NCAM2: variants seen among roughly 807,000 people sequenced by gnomAD.
NCAM2 encodes neural cell adhesion molecule 2.
In NCAM2, 30 loss-of-function variants were observed where a neutral mutation model predicts 98.1. The ratio of observed to expected loss-of-function variants is 0.31; its 90% CI spans 0.23 to 0.41. The LOEUF is 0.41. NCAM2 is among the 10% of genes least tolerant of loss of function. NCAM2 has a pLI of 1.00. For missense variants in NCAM2, 867 were observed against 1,005.8 expected, an observed-to-expected ratio of 0.86 and a Z score of 1.87; for synonymous variants, 368 against 342.4, an observed-to-expected ratio of 1.07 and a Z score of -0.83.
intron 1 of NCAM2, among the ~76,000 whole-genome samples, chr21:21,128,965 G>T (rs1247241438): frequency 6.6e-6 from 1 of 152,126 alleles, no homozygotes; most frequent in Non-Finnish European, 1.5e-5. Flanking sequence ...AAGAATGAAT[G>T]AGCAGAAATG....
chr21:21,496,330 C>G (rs181588679), intron 15 of NCAM2, among the ~76,000 whole-genome samples: 2 of 152,120 alleles, frequency 1.3e-5, no homozygotes, highest in East Asian at 3.9e-4. Context: ...GAGATACTAT[C>G]TCATTGTGGT....
chr21:21,420,088 T>G (rs968102048), intron 11 of NCAM2, among the ~76,000 whole-genome samples: 2 of 152,202 alleles, frequency 1.3e-5, no homozygotes, highest in South Asian at 4.1e-4. Flanking sequence ...ATGAAAAAAT[T>G]AAAAAGCAAA....
intron 12 of NCAM2, among the ~76,000 whole-genome samples, chr21:21,449,955 T>G (rs1049083813): frequency 2.6e-5 from 4 of 152,142 alleles, no homozygotes; most frequent in Non-Finnish European, 5.9e-5. Context: ...TCTTTTTCTG[T>G]GTATCAGTGT....
At chr21:21,048,542 A>G (rs1183762649) in intron 1 of NCAM2, among the ~76,000 whole-genome samples, 1 of 152,074 alleles carries the variant, frequency 6.6e-6, no homozygotes, top group Non-Finnish European at 1.5e-5. Context: ...TTTAGTAGAG[A>G]CAGGGTTTCA....
chr21:21,345,678 A>G (rs2075168461), intron 8 of NCAM2, among the ~76,000 whole-genome samples: 1 of 152,148 alleles, frequency 6.6e-6, no homozygotes, highest in Admixed American at 6.6e-5. Context: ...AGATAGAGAA[A>G]GAGATAGGTG....
At chr21:21,334,866 T>G (rs1047000307) in intron 6 of NCAM2, among the ~76,000 whole-genome samples, 2 of 152,036 alleles carry the variant, frequency 1.3e-5, no homozygotes, top group Non-Finnish European at 2.9e-5. Flanking sequence ...AAAAAAACCT[T>G]AAAAATATTG....
At chr21:21,219,219 C>T (rs1318980635) in intron 1 of NCAM2, among the ~76,000 whole-genome samples, 2 of 151,726 alleles carry the variant, frequency 1.3e-5, no homozygotes, top group Non-Finnish European at 2.9e-5. Context: ...TATGTGCGGC[C>T]CAAGACATTT....
At chr21:21,484,902 G>A (rs1274796969) in intron 15 of NCAM2, among the ~76,000 whole-genome samples, 1 of 152,040 alleles carries the variant, frequency 6.6e-6, no homozygotes, top group Non-Finnish European at 1.5e-5. Context: ...TTAAGCCTTT[G>A]CTACATCTAA....
chr21:21,353,146 G>A (rs2075387160), intron 8 of NCAM2, among the ~76,000 whole-genome samples: 1 of 152,066 alleles, frequency 6.6e-6, no homozygotes, highest in African/African-American at 2.4e-5. Context: ...CTGTTATGTT[G>A]CAATTACATT....
At chr21:21,179,023 GC>G (rs1449169931) in intron 1 of NCAM2, among the ~76,000 whole-genome samples, 1 of 152,010 alleles carries the variant, frequency 6.6e-6, no homozygotes, top group Non-Finnish European at 1.5e-5. Context: ...GGCCAGAGGG[GC>G]TAACACATAA....
chr21:21,397,088 G>C (rs2076525141), intron 9 of NCAM2, among the ~76,000 whole-genome samples: 1 of 152,128 alleles, frequency 6.6e-6, no homozygotes, highest in African/African-American at 2.4e-5. Context: ...ACCCTAAGTG[G>C]GTAGCTCTAT....
chr21:21,128,920 A>G (rs1246861267), intron 1 of NCAM2, among the ~76,000 whole-genome samples: 1 of 152,166 alleles, frequency 6.6e-6, no homozygotes, highest in Non-Finnish European at 1.5e-5. Context: ...CCAGTTTATT[A>G]GAAGATATTG....
intron 1 of NCAM2, among the ~76,000 whole-genome samples, chr21:21,259,621 C>G (rs1261212582): frequency 6.6e-6 from 1 of 152,096 alleles, no homozygotes; most frequent in African/African-American, 2.4e-5. Flanking sequence ...AATAAAAAAC[C>G]TGCTGCTAGA....
chr21:21,332,306 G>A (rs73894623), intron 6 of NCAM2, among the ~76,000 whole-genome samples: 1 of 152,216 alleles, frequency 6.6e-6, no homozygotes, highest in African/African-American at 2.4e-5. Context: ...GCAGTTAAGT[G>A]ACTTGGAAAA....
intron 1 of NCAM2, among the ~76,000 whole-genome samples, chr21:21,080,763 C>T (rs751888114): frequency 1.6e-4 from 24 of 151,172 alleles, no homozygotes; most frequent in Non-Finnish European, 2.6e-4. Context: ...TGTGACTATC[C>T]GTGAGCTCCT....
At chr21:21,020,416 T>C (rs1428262597) in intron 1 of NCAM2, among the ~76,000 whole-genome samples, 1 of 152,194 alleles carries the variant, frequency 6.6e-6, no homozygotes, top group Non-Finnish European at 1.5e-5. Context: ...ACTCGAACTG[T>C]TGTCTGGGCT....
intron 1 of NCAM2, among the ~76,000 whole-genome samples, chr21:21,131,889 A>G (rs1183849846): frequency 6.6e-6 from 1 of 152,246 alleles, no homozygotes; most frequent in Non-Finnish European, 1.5e-5. Flanking sequence ...GTGTGTATTT[A>G]TATAAATAGC....
chr21:21,142,828 C>G (rs906060637), intron 1 of NCAM2, among the ~76,000 whole-genome samples: 1 of 151,974 alleles, frequency 6.6e-6, no homozygotes, highest in Non-Finnish European at 1.5e-5. Context: ...TTATAAAAAC[C>G]ATAATTAAAT....
chr21:21,282,275 TGTA>T (rs939474298), intron 2 of NCAM2, among the ~76,000 whole-genome samples: 2 of 151,952 alleles, frequency 1.3e-5, no homozygotes, highest in African/African-American at 4.8e-5. Context: ...TTTATGGATT[TGTA>T]TATTACTATG....
Sources: gnomAD v4.1 joint callset for allele counts (sites outside exome capture counted in the v4.1 genomes callset) on GRCh38, gnomAD v4.1.1 for gene constraint, MANE v1.5 for transcripts, NCBI Gene and HGNC (gene_info 2026-07-23, HGNC 2026-07-21) for gene names.